KALRN: variants seen among roughly 807,000 people sequenced by gnomAD.
The protein encoded by KALRN is kalirin RhoGEF kinase, also known as kalirin.
KALRN carries 70 observed loss-of-function variants against 353.7 expected under a neutral mutation model. The ratio of observed to expected loss-of-function variants is 0.20; its 90% confidence interval spans 0.16 to 0.24. The LOEUF (loss-of-function observed/expected upper bound fraction) is 0.24, where lower values mean the gene tolerates loss of function less well. Among genes scored for constraint, KALRN ranks in the 10% least tolerant of loss-of-function variants. The probability of loss-of-function intolerance (pLI) is 1.00; values close to 1 mark genes in which losing one functional copy is unlikely to be tolerated. For missense variants in KALRN, 2,791 were observed against 3,756.7 expected (o/e 0.74, Z 6.72); for synonymous variants, 1,391 against 1,434.8 (o/e 0.97, Z 0.69).
intron 1 of KALRN, among the ~76,000 whole-genome samples, chr3:124,222,410 G>C (rs767427071): frequency 2.6e-5 from 4 of 152,216 alleles, no homozygotes; most frequent in Non-Finnish European, 5.9e-5. Context: ...GTGGAGAGGG[G>C]TCTTCCCATG....
At chr3:124,581,667 T>G (rs1163963883) in intron 34 of KALRN, among the ~76,000 whole-genome samples, 9 of 152,196 alleles carry the variant, frequency 5.9e-5, no homozygotes, top group African/African-American at 1.9e-4. Context: ...TTGAAGCATC[T>G]TTGAATTCCC....
chr3:124,600,746 TTG>T (rs2076712624), intron 34 of KALRN, among the ~76,000 whole-genome samples: 1 of 152,210 alleles, frequency 6.6e-6, no homozygotes, highest in Non-Finnish European at 1.5e-5. Context: ...TTCTGTTTGA[TTG>T]TGATTGCTAA....
Position 124,694,492 on chromosome 3 carries a change from G to C in KALRN, c.7566G>C (p.Thr2522=). Residue 2522 remains threonine (T), a synonymous_variant, in exon 53 of 60, where the codon ACG becomes ACC. Transcript: ENST00000682506. ...CTGATAACAGCTCAGCCACATACAC[G>C]GTCTCCTCTTGGTAAGCCGATTGCC... ...LDTDNSSATY[T]VSSCDSGEIT... is the part of the protein sequence containing the mutation. 1 of 1,613,670 alleles carries C rather than the reference G, an allele frequency of 6.2e-7. No homozygotes were observed. Among genetic ancestry groups the C allele is most frequent in the South Asian group, 1.1e-5 (1 of 91,032 alleles).
chr3:124,307,809 A>C (rs2077852910), intron 6 of KALRN, among the ~76,000 whole-genome samples: 1 of 152,034 alleles, frequency 6.6e-6, no homozygotes, highest in Non-Finnish European at 1.5e-5. Context: ...TAATCCAATC[A>C]AAGGTAGAAA....
chr3:124,533,450 T>C (rs1036013418), intron 33 of KALRN, among the ~76,000 whole-genome samples: 13 of 152,050 alleles, frequency 8.5e-5, no homozygotes, highest in African/African-American at 2.9e-4. Flanking sequence ...GAGACCAACC[T>C]GGGCAACATG....
At chr3:124,309,407 T>A (rs1382196038) in intron 6 of KALRN, among the ~76,000 whole-genome samples, 2 of 152,062 alleles carry the variant, frequency 1.3e-5, no homozygotes, top group Non-Finnish European at 2.9e-5. Context: ...TCAAACCAAA[T>A]CCAATTAGCC....
chr3:124,210,793 T>C (rs1696787209), intron 1 of KALRN, among the ~76,000 whole-genome samples: 1 of 152,200 alleles, frequency 6.6e-6, no homozygotes. Flanking sequence ...AATTTACATA[T>C]AGATTTTGAT....
chr3:124,068,845 G>A (rs945281990), intron 1 of KALRN, among the ~76,000 whole-genome samples: 1 of 152,186 alleles, frequency 6.6e-6, no homozygotes, highest in Non-Finnish European at 1.5e-5. Context: ...ACTGAGTGAT[G>A]GTCTCAGGAA....
chr3:124,220,332 T>G (rs1327269173), intron 1 of KALRN, among the ~76,000 whole-genome samples: 1 of 152,148 alleles, frequency 6.6e-6, no homozygotes, highest in Non-Finnish European at 1.5e-5. Context: ...CTCCTTAGTG[T>G]CTATAAAGAG....
intron 3 of KALRN, among the ~76,000 whole-genome samples, chr3:124,260,275 G>T (rs993597794): frequency 6.6e-6 from 1 of 152,176 alleles, no homozygotes; most frequent in Admixed American, 6.5e-5. Context: ...CAACCTAGGA[G>T]GCCAAATTTA....
intron 10 of KALRN, among the ~76,000 whole-genome samples, chr3:124,373,794 A>G (rs2086201729): frequency 6.6e-6 from 1 of 152,228 alleles, no homozygotes; most frequent in Admixed American, 6.5e-5. Context: ...ATCTGCAACA[A>G]CGTTATTTCC....
chr3:124,115,830 T>C (rs976710496), intron 1 of KALRN, among the ~76,000 whole-genome samples: 5 of 152,222 alleles, frequency 3.3e-5, no homozygotes, highest in South Asian at 2.1e-4. Flanking sequence ...TTATCATAAA[T>C]ACCAGAAGCT....
chr3:124,439,190 T>C (rs1457640989), intron 18 of KALRN, among the ~76,000 whole-genome samples, 153 bp downstream of exon 18: 3 of 58,064 alleles, frequency 5.2e-5, no homozygotes, highest in Non-Finnish European at 1.0e-4. Flanking sequence ...CTTCTCCTTC[T>C]CTCTCTCTCT....
chr3:124,115,737 T>A (rs1460460497), intron 1 of KALRN, among the ~76,000 whole-genome samples: 1 of 152,180 alleles, frequency 6.6e-6, no homozygotes, highest in East Asian at 1.9e-4. Context: ...GGTTTGGGTG[T>A]TAGCTAGGGG....
At chr3:124,117,221 G>A (rs377170571) in intron 1 of KALRN, among the ~76,000 whole-genome samples, 1 of 152,166 alleles carries the variant, frequency 6.6e-6, no homozygotes, top group Admixed American at 6.5e-5. Context: ...GGGAGAGAAG[G>A]GGGGACTGGC....
intron 1 of KALRN, among the ~76,000 whole-genome samples, chr3:124,048,857 A>G (rs1224706154): frequency 6.6e-6 from 1 of 152,182 alleles, no homozygotes; most frequent in Non-Finnish European, 1.5e-5. Context: ...TCTCCTAATG[A>G]TAGACATTTA....
chr3:124,166,373 G>T (rs998162295), intron 1 of KALRN, among the ~76,000 whole-genome samples: 1 of 152,130 alleles, frequency 6.6e-6, no homozygotes, highest in African/African-American at 2.4e-5. Flanking sequence ...TGGAAAGATG[G>T]TGTTCATTAA....
At chr3:124,594,384 C>G (rs1317997776) in intron 34 of KALRN, among the ~76,000 whole-genome samples, 1 of 152,200 alleles carries the variant, frequency 6.6e-6, no homozygotes, top group Non-Finnish European at 1.5e-5. Flanking sequence ...CGCCACCACG[C>G]CCAACTGATT....
intron 1 of KALRN, among the ~76,000 whole-genome samples, chr3:124,171,640 T>C (rs2071854598): frequency 1.3e-5 from 2 of 152,100 alleles, no homozygotes; most frequent in South Asian, 4.2e-4. Flanking sequence ...GGCAGTCACA[T>C]TGTAAAGGAG....
Sources: gnomAD v4.1 joint callset for allele counts (sites outside exome capture counted in the v4.1 genomes callset) on GRCh38, gnomAD v4.1.1 for gene constraint, MANE v1.5 for transcripts, NCBI Gene and HGNC (gene_info 2026-07-23, HGNC 2026-07-21) for gene names.